The following CPXM2 variants were observed in gnomAD, a reference collection of about 807,000 sequenced individuals.
The protein encoded by CPXM2 is carboxypeptidase X, M14 family member 2.
A neutral mutation model predicts 86.1 loss-of-function variants in CPXM2; 66 were observed. The observed-to-expected ratio is 0.77, with a 90% CI of 0.63 to 0.94. CPXM2 has a LOEUF of 0.94. Among genes scored for constraint, CPXM2 ranks in the 40% least tolerant of loss-of-function variants. The pLI is 0.00. For missense variants in CPXM2, 948 were observed against 1,026.3 expected, an observed-to-expected ratio of 0.92 and a Z score of 1.04; for synonymous variants, 388 against 400.2, an observed-to-expected ratio of 0.97 and a Z score of 0.36.
chr10:123,774,782 A>G (rs1846741063), intron 7 of CPXM2, among the ~76,000 whole-genome samples: 1 of 152,236 alleles, frequency 6.6e-6, no homozygotes, highest in South Asian at 2.1e-4. Flanking sequence ...ACAGAAACCC[A>G]TCATAAACGG....
chr10:123,836,607 T>C (rs552542329), intron 4 of CPXM2, among the ~76,000 whole-genome samples: 3 of 152,188 alleles, frequency 2.0e-5, no homozygotes, highest in South Asian at 4.2e-4. Flanking sequence ...ATGCTCTCTG[T>C]CCCTTATCTC....
At chr10:123,772,483 C>A (rs923407152) in intron 7 of CPXM2, among the ~76,000 whole-genome samples, 1 of 151,848 alleles carries the variant, frequency 6.6e-6, no homozygotes, top group Non-Finnish European at 1.5e-5. Flanking sequence ...TTATCACTCC[C>A]CTGGTTGCAG....
chr10:123,795,122 C>A (rs1188421799), intron 6 of CPXM2, among the ~76,000 whole-genome samples: 3 of 152,148 alleles, frequency 2.0e-5, no homozygotes, highest in Non-Finnish European at 4.4e-5. Context: ...TACCACTTGA[C>A]CATTTTTCCA....
intron 2 of CPXM2, among the ~76,000 whole-genome samples, chr10:123,903,854 C>T (rs1038894759): frequency 1.3e-5 from 2 of 152,218 alleles, no homozygotes; most frequent in African/African-American, 4.8e-5. Context: ...GTTTGCCAGG[C>T]GTAGCTGTAA....
At chr10:123,779,345 C>T (rs1846881948) in intron 7 of CPXM2, among the ~76,000 whole-genome samples, 1 of 152,168 alleles carries the variant, frequency 6.6e-6, no homozygotes, top group South Asian at 2.1e-4. Context: ...CCGTCCCTTC[C>T]CCCTTCTGCA....
intron 13 of CPXM2, among the ~76,000 whole-genome samples, chr10:123,751,263 A>G (rs1047672256): frequency 3.3e-5 from 5 of 152,334 alleles, no homozygotes; most frequent in Admixed American, 2.0e-4. Flanking sequence ...AGCAAACACA[A>G]TTTGTGGGTA....
rs370104061 is a variant in CPXM2, at chr10:123,918,078, G to T, written n.174+21399C>A. ...CCATTCACAAGAAAATATGGGCAGC[G>T]CATTCCAATCAGAAGGAAGCCCAGG... On this transcript the variant is annotated intron_variant and non_coding_transcript_variant, in intron 2 of 19. Coordinates refer to the CPXM2 transcript ENST00000368854. 2.0e-5 allele frequency among the ~76,000 whole-genome samples: 3 copies of T among 152,286 alleles called. No homozygotes were observed. In the South Asian group the frequency reaches 6.2e-4, roughly 32 times the overall value.
intron 13 of CPXM2, chr10:123,750,287 A>G: frequency 1.0e-6 from 1 of 985,416 alleles, no homozygotes; most frequent in Non-Finnish European, 1.2e-6. Context: ...ATAAGGGCTC[A>G]GTGCTTAGAG....
In CPXM2 at chr10:123,924,678, C is replaced by A. The variant is rs560857115; in HGVS notation, n.174+14799G>T. Reference sequence around the variant, plus strand: ...ACTCAATCTCCTGCCCTTTTCTCCTCCCCAGAGGATGCAGAGTGGCGGTGG... The same window carrying A: ...ACTCAATCTCCTGCCCTTTTCTCCTACCCAGAGGATGCAGAGTGGCGGTGG... On this transcript the variant is annotated intron_variant and non_coding_transcript_variant, in intron 2 of 19. Transcript: ENST00000368854. 9.2e-5 allele frequency among the ~76,000 whole-genome samples: 14 copies of A among 152,296 alleles called. No homozygotes were observed. In the South Asian group the frequency reaches 1.0e-3, roughly 11 times the overall value.
At chr10:123,927,286 C>G (rs1302304314) in intron 2 of CPXM2, among the ~76,000 whole-genome samples, 1 of 152,230 alleles carries the variant, frequency 6.6e-6, no homozygotes, top group Non-Finnish European at 1.5e-5. Flanking sequence ...TGATGCTAGA[C>G]AAGCAAAATG....
intron 4 of CPXM2, among the ~76,000 whole-genome samples, chr10:123,800,959 C>T (rs767506366): frequency 3.3e-5 from 5 of 151,986 alleles, no homozygotes; most frequent in African/African-American, 7.3e-5. Context: ...AACTGATTCA[C>T]GCCTTCCGCT....
intron 13 of CPXM2, chr10:123,752,162 G>A: frequency 4.1e-6 from 4 of 985,376 alleles, no homozygotes; most frequent in Non-Finnish European, 4.8e-6. Context: ...AGCCTTTCAT[G>A]CATAATGATC....
intron 6 of CPXM2, among the ~76,000 whole-genome samples, chr10:123,783,449 G>C (rs1846980158): frequency 6.6e-6 from 1 of 152,186 alleles, no homozygotes; most frequent in African/African-American, 2.4e-5. Flanking sequence ...CCTTCAGCTA[G>C]GCACTGGCTC....
At chr10:123,877,222 A>C (rs542538772) in intron 2 of CPXM2, among the ~76,000 whole-genome samples, 1 of 152,382 alleles carries the variant, frequency 6.6e-6, no homozygotes, top group Non-Finnish European at 1.5e-5. Flanking sequence ...TCATTGCAAC[A>C]AAAGCTGTTT....
intron 4 of CPXM2, 122 bp downstream of exon 4, chr10:123,842,227 T>A: frequency 7.6e-7 from 1 of 1,310,488 alleles, no homozygotes; most frequent in Non-Finnish European, 1.1e-6. Flanking sequence ...TATTCCAATT[T>A]TCTCCTCTTC....
chr10:123,792,966 T>C (rs761719022), intron 6 of CPXM2, among the ~76,000 whole-genome samples: 6 of 152,170 alleles, frequency 3.9e-5, no homozygotes, highest in Non-Finnish European at 8.8e-5. Flanking sequence ...CCAGAAACCC[T>C]AGGGAAGGAG....
chr10:123,903,621 G>A (rs1945404763), intron 2 of CPXM2, among the ~76,000 whole-genome samples: 1 of 152,204 alleles, frequency 6.6e-6, no homozygotes, highest in African/African-American at 2.4e-5. Context: ...AGGGATAGGG[G>A]AAGAGGACTC....
chr10:123,939,010 C>T (rs1030562345), intron 2 of CPXM2, among the ~76,000 whole-genome samples: 4 of 152,158 alleles, frequency 2.6e-5, no homozygotes, highest in Non-Finnish European at 5.9e-5. Context: ...CAGCCAGACT[C>T]ACCCCTCTCC....
rs1483422275 is a variant in CPXM2, at chr10:123,891,705, C to T, written c.-46G>A. 1.6e-6 allele frequency: 2 copies of T among 1,280,316 alleles called. No homozygotes were observed. Among genetic ancestry groups the T allele is most frequent in the Non-Finnish European group, 9.9e-7 (1 of 1,008,036 alleles). The allele number at this position is 1,280,316 out of a possible 1,614,324, so 79.3% of individuals were successfully genotyped here. The stretch of plus-strand genomic sequence containing the variant: ...AGGGCAGGGTCACGGTCACCGGGGG[C>T]GCCGGGCGGGCTGCGGGCGCAGAAG... On this transcript the variant is annotated 5_prime_UTR_variant, in exon 1 of 14. Transcript: ENST00000241305. This position sits in a 1 kb window ranked among gnomAD's most constrained non-coding sequence, Gnocchi z 5.6.
Sources: gnomAD v4.1 joint callset for allele counts (sites outside exome capture counted in the v4.1 genomes callset) on GRCh38, gnomAD v4.1.1 for gene constraint, Gnocchi (gnomAD v3.1) non-coding constraint, MANE v1.5 for transcripts, NCBI Gene and HGNC (gene_info 2026-07-23, HGNC 2026-07-21) for gene names.